Variants in ABCA8 observed in about 807,000 individuals in gnomAD.
ABCA8 encodes ATP binding cassette subfamily A member 8, also known as ABC-type organic anion transporter ABCA8.
A neutral mutation model predicts 192.3 loss-of-function variants in ABCA8; 177 were observed. The ratio of observed to expected loss-of-function variants is 0.92; its 90% CI spans 0.81 to 1.04. The LOEUF (loss-of-function observed/expected upper bound fraction) is 1.04, where lower values mean the gene tolerates loss of function less well. ABCA8 is among the 50% of genes least tolerant of loss of function. ABCA8 has a pLI of 0.00. For synonymous variants in ABCA8, 642 were observed against 690.2 expected (o/e 0.93, Z 1.09); for missense variants, 1,915 against 1,904.8 (o/e 1.01, Z -0.10).
chr17:68,887,500 C>T lies in ABCA8; in HGVS notation c.3151G>A (p.Ala1051Thr). 1 of 1,607,532 alleles carries T rather than the reference C, an allele frequency of 6.2e-7. No homozygotes were observed. The highest frequency in any genetic ancestry group is 8.5e-7 in the Non-Finnish European group (1 of 1,178,086). Reference protein sequence around the residue: ...MSSIDDYKNRARSQLRISGLS... With the variant: ...MSSIDDYKNRTRSQLRISGLS... ...CCGGAAATCCGTAGCTGGGACCGAG[C>T]TCTGTTCTAATTAGGAGACAGCAAA... The change falls in exon 25 of 40, where the codon GCT (alanine) becomes ACT (threonine). Residue 1051 changes from alanine to threonine, a missense_variant. Physicochemically the swap from Ala to Thr is moderately conservative, Grantham distance 58. Transcript: ENST00000586539.
At chr17:68,953,277 G>T (rs1294073030) in intron 1 of ABCA8, among the ~76,000 whole-genome samples, 2 of 152,152 alleles carry the variant, frequency 1.3e-5, no homozygotes, top group Admixed American at 6.6e-5. Context: ...CCATCATTTG[G>T]CTCATAAGTC....
intron 2 of ABCA8, among the ~76,000 whole-genome samples, chr17:68,943,531 G>T (rs1466168888): frequency 6.6e-6 from 1 of 152,040 alleles, no homozygotes; most frequent in Non-Finnish European, 1.5e-5. Context: ...AGAGAATGTT[G>T]CTACTTTCCT....
chr17:68,941,058 T>A, intron 3 of ABCA8, 96 bp from the exon 4 acceptor site: 1 of 879,892 alleles, frequency 1.1e-6, no homozygotes, highest in Non-Finnish European at 1.7e-6. Flanking sequence ...TTTACTTTTC[T>A]AACTTCAATA....
At chr17:68,886,603 C>T (rs1276881434) in intron 26 of ABCA8, among the ~76,000 whole-genome samples, 1 of 152,092 alleles carries the variant, frequency 6.6e-6, no homozygotes, top group Non-Finnish European at 1.5e-5. Context: ...CAAGTGGTTG[C>T]TTACTCATCT....
rs1363732173 is a variant in ABCA8, at chr17:68,918,503, T to A, written c.1832A>T (p.Asp611Val). Residue 611 changes from aspartate (D) to valine (V), a missense_variant, in exon 15 of 40, where the codon GAT (aspartate) becomes GTT (valine). By Grantham distance (152) the Asp-to-Val change is radical (BLOSUM62 -3). Coordinates refer to ENST00000586539, the MANE Select transcript of ABCA8 (RefSeq NM_001288985.2). ...LLELEMKNIQ[D>V]VLAQNLSGGQ... ...ACCACTTAAGTTTTGAGCAAGAACA[T>A]CCTGAATATTTTTCATTTCCAATTC... The A allele has an allele frequency of 1.3e-6, 2 of 1,527,882 alleles. No individual in the cohort carries two copies. The highest frequency in any genetic ancestry group is 1.7e-6 in the Non-Finnish European group (2 of 1,145,930). The allele number at this position is 1,527,882 out of a possible 1,614,324, so 94.6% of individuals were successfully genotyped here.
At chr17:68,944,588 C>A (rs1019220983) in intron 2 of ABCA8, 3 of 151,494 alleles carry the variant, frequency 2.0e-5, no homozygotes, top group Non-Finnish European at 4.4e-5. Context: ...AACCACCAAC[C>A]ACCCCTTCCC....
intron 28 of ABCA8, 110 bp downstream of exon 28, chr17:68,884,221 T>C (rs534193702): frequency 4.8e-5 from 49 of 1,016,018 alleles, no homozygotes; most frequent in Non-Finnish European, 5.2e-5. Context: ...CCTTGGGCTA[T>C]AGATACCTGT....
intron 17 of ABCA8, among the ~76,000 whole-genome samples, chr17:68,916,833 A>G (rs1285222309): frequency 6.6e-6 from 1 of 152,182 alleles, no homozygotes; most frequent in Non-Finnish European, 1.5e-5. Context: ...TTGCAGATAT[A>G]TATTTTTTAG....
intron 5 of ABCA8, among the ~76,000 whole-genome samples, chr17:68,934,803 C>A (rs569191690): frequency 6.6e-6 from 1 of 152,218 alleles, no homozygotes; most frequent in South Asian, 2.1e-4. Context: ...TGCTACATAT[C>A]CTTGTCAATA....
rs201620327 is a variant in ABCA8 at position 68,882,719 on chromosome 17, T to C, written c.3708A>G (p.Arg1236=). The C allele has an allele frequency of 1.2e-5, 20 of 1,610,232 alleles. No individual in the cohort carries two copies. The East Asian group carries it at 2.7e-4, about 22-fold the overall frequency. The change falls in exon 30 of 40, where the codon AGA becomes AGG. Residue 1236 remains arginine (R), a splice_region_variant and synonymous_variant. Transcript: ENST00000586539. ...KKSMRKDPFF[R]ISPRSSDVCQ... ...ACACATCACTACTTCTTGGAGAAATTCTAGAGTCAAAACCATCCATTAATA... is the reference window on the plus strand; with the variant it reads ...ACACATCACTACTTCTTGGAGAAATCCTAGAGTCAAAACCATCCATTAATA...
At chr17:68,883,545 C>T (rs1011666538) in intron 29 of ABCA8, among the ~76,000 whole-genome samples, 1 of 152,152 alleles carries the variant, frequency 6.6e-6, no homozygotes, top group Non-Finnish European at 1.5e-5. Flanking sequence ...TAACTTTCCC[C>T]AGTGCTCCAC....
At chr17:68,950,661 T>G (rs182502499) in intron 1 of ABCA8, among the ~76,000 whole-genome samples, 67 of 152,360 alleles carry the variant, frequency 4.4e-4, no homozygotes, top group African/African-American at 1.4e-3. Flanking sequence ...ATTTATTAAT[T>G]TATCCTCTTA....
At chr17:68,886,832 A>T in intron 26 of ABCA8, 185 bp downstream of exon 26, 1 of 353,038 alleles carries the variant, frequency 2.8e-6, no homozygotes, top group Non-Finnish European at 5.1e-6. Flanking sequence ...GCTTTATGGA[A>T]TTAATTCTTA....
At chr17:68,933,693 A>G (rs2067974953) in intron 5 of ABCA8, among the ~76,000 whole-genome samples, 1 of 152,184 alleles carries the variant, frequency 6.6e-6, no homozygotes, top group Non-Finnish European at 1.5e-5. Flanking sequence ...ACACGGGCAT[A>G]ATAGGCCAAT....
chr17:68,902,705 C>G lies in ABCA8; in HGVS notation c.2764+8G>C. ...ATGTATTTGGAAATCAAGTATCCAC[C>G]ATTTTACCTGTTTTATTGATGATCA... On this transcript the variant is annotated splice_region_variant and intron_variant, in intron 21 of 39. Transcript: ENST00000586539. The G allele has an allele frequency of 6.2e-7, 1 of 1,608,502 alleles. No homozygotes were observed. The highest frequency in any genetic ancestry group is 8.5e-7 in the Non-Finnish European group (1 of 1,175,608).
intron 21 of ABCA8, among the ~76,000 whole-genome samples, chr17:68,901,389 C>G (rs1409154422): frequency 6.6e-6 from 1 of 152,172 alleles, no homozygotes; most frequent in Non-Finnish European, 1.5e-5. Flanking sequence ...CTCAACGTTA[C>G]TGGCCATTAA....
intron 33 of ABCA8, 179 bp downstream of exon 33, chr17:68,877,340 T>C (rs2066233144): frequency 1.9e-6 from 1 of 534,464 alleles, no homozygotes; most frequent in Non-Finnish European, 3.1e-6. Flanking sequence ...TCTTATTTAA[T>C]ATGAGAAAGA....
chr17:68,878,929 C>T (rs968290771), intron 32 of ABCA8: 2 of 152,260 alleles, frequency 1.3e-5, no homozygotes, highest in Non-Finnish European at 2.9e-5. Context: ...GCCCCTTTCC[C>T]ACGGTACAGT....
chr17:68,924,158 C>G (rs2143649398), intron 11 of ABCA8, among the ~76,000 whole-genome samples: 1 of 152,148 alleles, frequency 6.6e-6, no homozygotes, highest in African/African-American at 2.4e-5. Context: ...ACCAGCCTGA[C>G]CAACATGGAG....
Sources: gnomAD v4.1 joint callset for allele counts (sites outside exome capture counted in the v4.1 genomes callset) on GRCh38, gnomAD v4.1.1 for gene constraint, MANE v1.5 for transcripts, NCBI Gene and HGNC (gene_info 2026-07-23, HGNC 2026-07-21) for gene names.